ZNF787: variants seen among roughly 807,000 people sequenced by gnomAD.
ZNF787 encodes TTF-I-interacting peptide 20.
A neutral mutation model predicts 16.9 loss-of-function variants in ZNF787; 7 were observed. The ratio of observed to expected loss-of-function variants is 0.42; its 90% CI spans 0.24 to 0.78. The LOEUF (loss-of-function observed/expected upper bound fraction) is 0.78, where lower values mean the gene tolerates loss of function less well. Ranked by LOEUF, ZNF787 falls within the 30% of genes least tolerant of loss-of-function variation. The pLI, the probability that ZNF787 is intolerant of heterozygous loss-of-function variation, is 0.30. For missense variants in ZNF787, 551 were observed against 589.3 expected, an observed-to-expected ratio of 0.94 and a Z score of 0.67; for synonymous variants, 345 against 270.9, an observed-to-expected ratio of 1.27 and a Z score of -2.69.
chr19:56,110,683 G>C (rs1045058519), intron 1 of ZNF787, among the ~76,000 whole-genome samples: 2 of 152,220 alleles, frequency 1.3e-5, no homozygotes, highest in Non-Finnish European at 2.9e-5. Flanking sequence ...CTCAATAAAA[G>C]CAGGGACTTC....
intron 1 of ZNF787, among the ~76,000 whole-genome samples, chr19:56,116,345 G>C (rs1026306228): frequency 1.6e-4 from 25 of 152,062 alleles, no homozygotes; most frequent in Non-Finnish European, 1.5e-5. Flanking sequence ...GGGAGGCTGA[G>C]GCAGGAGAAT....
At chr19:56,106,637 G>A (rs569949396) in intron 1 of ZNF787, among the ~76,000 whole-genome samples, 1 of 152,308 alleles carries the variant, frequency 6.6e-6, no homozygotes, top group East Asian at 1.9e-4. Flanking sequence ...AGACACAGCG[G>A]CGCCACCCCA....
At chr19:56,093,574 C>T (rs1985746736) in intron 2 of ZNF787, among the ~76,000 whole-genome samples, 1 of 152,150 alleles carries the variant, frequency 6.6e-6, no homozygotes, top group Admixed American at 6.5e-5. Context: ...CACCCTCCTC[C>T]CATCCCTTTC....
intron 1 of ZNF787, among the ~76,000 whole-genome samples, chr19:56,103,804 C>A (rs56289422): frequency 3.4e-5 from 3 of 87,864 alleles, no homozygotes; most frequent in Admixed American, 9.7e-5. Flanking sequence ...AGGGTCTCTA[C>A]GCACGACACC....
At position 56,092,796 on chromosome 19, in the gene ZNF787, C is replaced by A. The variant is rs1985680357; in HGVS notation, c.80-3704G>T. Among the ~76,000 whole-genome samples the A allele has an allele frequency of 2.0e-5, 3 of 151,778 alleles. No homozygotes were observed. In the South Asian group the frequency reaches 6.2e-4, roughly 32 times the overall value. ...CACATGAGATGGCGGAACTGGGATA[C>A]CCCATAGACGCAGGGGGTGGCGGAA... On this transcript the variant is annotated intron_variant, in intron 2 of 2. Transcript: ENST00000610935.
intron 1 of ZNF787, among the ~76,000 whole-genome samples, chr19:56,119,920 G>A (rs1174025727): frequency 1.3e-5 from 2 of 152,204 alleles, no homozygotes; most frequent in African/African-American, 2.4e-5. Context: ...GGGGTCAATC[G>A]GATCCCCAGA....
rs747264222 is a variant in ZNF787, at chr19:56,088,993, G to C, written c.179C>G (p.Pro60Arg). 11 of 1,496,564 alleles carry C rather than the reference G, an allele frequency of 7.4e-6. No homozygotes were observed. The highest frequency in any genetic ancestry group is 9.8e-6 in the Non-Finnish European group (11 of 1,125,524). The allele number at this position is 1,496,564 out of a possible 1,614,324, so 92.7% of individuals were successfully genotyped here. The stretch of plus-strand genomic sequence containing the variant: ...GCAGATGTAGGGGGCGGGCGGCCGC[G>C]GCCGGGGAGGCGGGCCGGCTGGGGG... Reference protein sequence around the residue: ...SAPPAGPPPRPRPPAPYICNE... With the variant: ...SAPPAGPPPRRRPPAPYICNE... The change falls in exon 3 of 3, where the codon CCG becomes CGG. Residue 60 changes from proline to arginine, a missense_variant. Pro to Arg is a moderately radical substitution (Grantham distance 103, BLOSUM62 -2). Coordinates refer to ENST00000610935, the MANE Select transcript of ZNF787 (RefSeq NM_001002836.4). The surrounding 1 kb of genome is among the most constrained non-coding windows in gnomAD (Gnocchi z 8.6).
intron 1 of ZNF787, among the ~76,000 whole-genome samples, chr19:56,111,427 C>T (rs919287846): frequency 1.3e-5 from 2 of 152,112 alleles, no homozygotes; most frequent in South Asian, 2.1e-4. Context: ...CTGGGGGCTC[C>T]TAGCCTGGGC....
At chr19:56,096,023 G>A (rs1229233484) in intron 2 of ZNF787, among the ~76,000 whole-genome samples, 1 of 152,100 alleles carries the variant, frequency 6.6e-6, no homozygotes, top group Non-Finnish European at 1.5e-5. Context: ...TTTGCTACCT[G>A]GTTGCCGTGT....
chr19:56,115,951 C>G (rs2030123968), intron 1 of ZNF787, among the ~76,000 whole-genome samples: 2 of 152,310 alleles, frequency 1.3e-5, no homozygotes, highest in Middle Eastern at 6.8e-3. Context: ...AAAAGCCCCA[C>G]ACACCTACAA....
At chr19:56,103,075 G>T in intron 2 of ZNF787, 64 bp downstream of exon 2, 2 of 1,566,028 alleles carry the variant, frequency 1.3e-6, no homozygotes, top group Non-Finnish European at 1.8e-6. Context: ...CCACCCAGAG[G>T]CAAAGGAAGC....
intron 2 of ZNF787, among the ~76,000 whole-genome samples, chr19:56,091,924 G>GAAGCCGAAGCCA: frequency 1.0e-5 from 1 of 99,990 alleles, no homozygotes; most frequent in South Asian, 2.3e-4. Context: ...AGCCGCAGCC[G>GAAGCCGAAGCCA]AAGCCGAAGC....
chr19:56,087,931 C>G lies in ZNF787; in HGVS notation c.*92G>C. Reference sequence around the variant, plus strand: ...GGATGCCGCGGGGTCCATCGCACCCCGTCCGCTTCTCCCTGGGTCTCTTGG... The same window carrying G: ...GGATGCCGCGGGGTCCATCGCACCCGGTCCGCTTCTCCCTGGGTCTCTTGG... On this transcript the variant is annotated 3_prime_UTR_variant, in exon 3 of 3. Coordinates refer to ENST00000610935, the MANE Select transcript of ZNF787 (RefSeq NM_001002836.4). 3 of 1,288,022 alleles carry G rather than the reference C, an allele frequency of 2.3e-6. No individual in the cohort carries two copies. Among genetic ancestry groups the G allele is most frequent in the Non-Finnish European group, 2.9e-6 (3 of 1,018,432 alleles). 79.8% of individuals were successfully genotyped at this position (1,288,022 alleles called of 1,614,324 possible). A position where few individuals can be genotyped will look rare whatever the true frequency, so the allele number is the denominator to read the frequency against.
Position 56,088,606 on chromosome 19 carries a change from T to C in ZNF787, c.566A>G (p.Gln189Arg). The change falls in exon 3 of 3, where the codon CAG (glutamine) becomes CGG (arginine). Residue 189 changes from glutamine (Q) to arginine (R), a missense_variant. Physicochemically the swap from Gln to Arg is conservative, Grantham distance 43. This residue lies in a region of ZNF787 where 392 missense variants were observed against 312.7 expected (regional missense o/e 1.25). Transcript: ENST00000610935. This position sits in a 1 kb window ranked among gnomAD's most constrained non-coding sequence, Gnocchi z 8.6. ...VCPRCGRGFS[Q>R]PKSLARHLRL... is the part of the protein sequence containing the mutation. Reference sequence around the variant, plus strand: ...CAGGTGACGCGCGAGGCTCTTGGGCTGGCTGAAGCCGCGGCCGCAGCGCGG... The same window carrying C: ...CAGGTGACGCGCGAGGCTCTTGGGCCGGCTGAAGCCGCGGCCGCAGCGCGG... The C allele has an allele frequency of 9.2e-6, 14 of 1,519,272 alleles. No homozygotes were observed. Among genetic ancestry groups the C allele is most frequent in the Non-Finnish European group, 1.2e-5 (14 of 1,140,410 alleles). 94.1% of individuals were successfully genotyped at this position (1,519,272 alleles called of 1,614,324 possible).
intron 2 of ZNF787, chr19:56,102,825 A>C: frequency 1.5e-6 from 1 of 689,482 alleles, no homozygotes; most frequent in Non-Finnish European, 2.6e-6. Context: ...TGGGGAGAGG[A>C]AGGGGGCACC....
chr19:56,089,492 C>T (rs1172663812), intron 2 of ZNF787, among the ~76,000 whole-genome samples: 1 of 152,170 alleles, frequency 6.6e-6, no homozygotes, highest in African/African-American at 2.4e-5. Context: ...GCAAAGGTTC[C>T]ACTAGGCAGA....
At chr19:56,119,738 G>A (rs560340325) in intron 1 of ZNF787, among the ~76,000 whole-genome samples, 2 of 152,370 alleles carry the variant, frequency 1.3e-5, no homozygotes, top group South Asian at 4.1e-4. Flanking sequence ...GATAAGACAT[G>A]AGATAAGCAA....
chr19:56,104,552 G>C (rs530638585), intron 1 of ZNF787, among the ~76,000 whole-genome samples: 1 of 151,934 alleles, frequency 6.6e-6, no homozygotes, highest in East Asian at 1.9e-4. Context: ...CACGCACCAG[G>C]AAGGTCTCTA....
intron 2 of ZNF787, among the ~76,000 whole-genome samples, chr19:56,094,267 A>G (rs1265814854): frequency 6.7e-6 from 1 of 149,498 alleles, no homozygotes; most frequent in Non-Finnish European, 1.5e-5. Context: ...TCTGCCCTCA[A>G]GTGATCCACC....
Sources: allele counts gnomAD v4.1 joint callset (sites outside exome capture counted in the v4.1 genomes callset), GRCh38; gene constraint gnomAD v4.1.1; regional missense constraint gnomAD v4.1.1; non-coding constraint Gnocchi (gnomAD v3.1); transcripts MANE v1.5; gene names NCBI Gene and HGNC (gene_info 2026-07-23, HGNC 2026-07-21).